The following MROH9 variants were observed in gnomAD, a reference collection of about 807,000 sequenced individuals.
MROH9 encodes maestro heat-like repeat-containing protein family member 9.
MROH9 carries 92 observed loss-of-function variants against 98.2 expected under a neutral mutation model. The observed-to-expected ratio is 0.94, with a 90% confidence interval of 0.79 to 1.11. The LOEUF is 1.11. Among genes scored for constraint, MROH9 ranks in the 50% most tolerant of loss-of-function variants. The pLI is 0.00. For synonymous variants in MROH9, 397 were observed against 368.9 expected (o/e 1.08, Z -0.87); for missense variants, 1,057 against 1,014.8 (o/e 1.04, Z -0.57).
At chr1:170,955,583 T>C (rs1308162987) in intron 3 of MROH9, among the ~76,000 whole-genome samples, 1 of 152,236 alleles carries the variant, frequency 6.6e-6, no homozygotes, top group Non-Finnish European at 1.5e-5. Context: ...ATGTTAAACA[T>C]TTTTTCATAT....
chr1:171,029,294 T>C (rs1652829242), intron 20 of MROH9, among the ~76,000 whole-genome samples: 1 of 151,956 alleles, frequency 6.6e-6, no homozygotes, highest in African/African-American at 2.4e-5. Context: ...CACTGCAACC[T>C]CCGCCTCCCA....
chr1:170,984,931 A>G (rs1291814319), intron 9 of MROH9, among the ~76,000 whole-genome samples: 1 of 152,210 alleles, frequency 6.6e-6, no homozygotes, highest in African/African-American at 2.4e-5. Flanking sequence ...CAAAGTTCAA[A>G]GCATGCAAAT....
chr1:171,056,744 C>T (rs1290068692), intron 20 of MROH9, among the ~76,000 whole-genome samples: 1 of 152,142 alleles, frequency 6.6e-6, no homozygotes, highest in East Asian at 1.9e-4. Context: ...GTGCCCCTGC[C>T]AGAAGATGGA....
At chr1:171,038,538 G>T (rs765149247) in intron 20 of MROH9, among the ~76,000 whole-genome samples, 1 of 152,174 alleles carries the variant, frequency 6.6e-6, no homozygotes, top group Non-Finnish European at 1.5e-5. Flanking sequence ...TGGGAGAAAT[G>T]ATGTGTGTAC....
At chr1:170,948,875 A>C (rs1649438211) in intron 3 of MROH9, among the ~76,000 whole-genome samples, 1 of 152,086 alleles carries the variant, frequency 6.6e-6, no homozygotes, top group Admixed American at 6.6e-5. Flanking sequence ...AGAAAAAGCA[A>C]CATACGTTTG....
intron 15 of MROH9, chr1:170,998,740 A>G (rs1353510537): frequency 2.0e-6 from 2 of 990,144 alleles, no homozygotes; most frequent in Non-Finnish European, 2.4e-6. Flanking sequence ...GTATTGTAAT[A>G]CTATAATGGA....
chr1:170,947,512 C>A lies in MROH9; in HGVS notation c.26-15C>A. 1 of 1,608,572 alleles carries A rather than the reference C, an allele frequency of 6.2e-7. No individual in the cohort carries two copies. The highest frequency in any genetic ancestry group is 1.1e-5 in the South Asian group (1 of 90,726). On this transcript the variant is annotated splice_polypyrimidine_tract_variant and intron_variant, in intron 2 of 21. Coordinates refer to ENST00000367759, the MANE Select transcript of MROH9 (RefSeq NM_001163629.2). ...TGTTCATTCCTTTTTAACGAATCTC[C>A]TTCTTTCTGGCTAGAGAGTAGTCTC...
chr1:170,996,789 C>T, intron 14 of MROH9, 145 bp downstream of exon 14: 2 of 828,336 alleles, frequency 2.4e-6, no homozygotes, highest in South Asian at 2.3e-5. Context: ...TTGATTTCTA[C>T]TTCTTCAATT....
At chr1:170,958,736 G>T (rs955306835) in intron 4 of MROH9, among the ~76,000 whole-genome samples, 196 bp downstream of exon 4, 1 of 152,178 alleles carries the variant, frequency 6.6e-6, no homozygotes, top group African/African-American at 2.4e-5. Flanking sequence ...CTTTCTAGCT[G>T]CTGAGGCAAG....
At position 171,004,835 on chromosome 1, in the gene MROH9, T is replaced by C. The variant is rs577108522; in HGVS notation, c.1596+6561T>C. The stretch of plus-strand genomic sequence containing the variant: ...CTCTGTTCTGTTCCATGGGTCAATA[T>C]GTCTGTTTTCAGGCCAGGACCATAC... On this transcript the variant is annotated intron_variant, in intron 15 of 21. Transcript: ENST00000367759. Among the ~76,000 whole-genome samples, 3 of 152,312 alleles carry C rather than the reference T, an allele frequency of 2.0e-5. No homozygotes were observed. In the South Asian group the frequency reaches 6.2e-4, roughly 32 times the overall value.
chr1:171,021,707 A>G, intron 17 of MROH9, among the ~76,000 whole-genome samples: 1 of 152,176 alleles, frequency 6.6e-6, no homozygotes, highest in East Asian at 1.9e-4. Flanking sequence ...AGACTTCATT[A>G]CAAAAACACC....
chr1:170,951,663 GATTA>G (rs1258583831), intron 3 of MROH9, among the ~76,000 whole-genome samples: 1 of 152,130 alleles, frequency 6.6e-6, no homozygotes, highest in East Asian at 1.9e-4. Context: ...CCTAGCTGAA[GATTA>G]TCAAGGTGCG....
rs1431094990 is a variant in MROH9 at position 170,948,189 on chromosome 1, C to A, written c.72+616C>A. 2.6e-5 allele frequency among the ~76,000 whole-genome samples: 4 copies of A among 151,944 alleles called. No homozygotes were observed. In the East Asian group the frequency reaches 5.8e-4, roughly 22 times the overall value. On this transcript the variant is annotated intron_variant, in intron 3 of 21. Transcript: ENST00000367759. ...TTTAAAATTCTGAACCTCTAATAGA[C>A]CCTACCATCATTTTAATCCACATCC... is the stretch of plus-strand genomic sequence containing the variant.
At chr1:171,049,233 AG>A (rs1357616939) in intron 20 of MROH9, among the ~76,000 whole-genome samples, 1 of 152,196 alleles carries the variant, frequency 6.6e-6, no homozygotes, top group East Asian at 1.9e-4. Context: ...GAGCATGCAT[AG>A]TACCTGGTTT....
At chr1:171,029,907 T>G (rs1244431980) in intron 20 of MROH9, among the ~76,000 whole-genome samples, 1 of 152,114 alleles carries the variant, frequency 6.6e-6, no homozygotes, top group Non-Finnish European at 1.5e-5. Flanking sequence ...AGAATTCAAC[T>G]GTGAGTCCAT....
chr1:171,040,992 T>C (rs934411534), intron 20 of MROH9, among the ~76,000 whole-genome samples: 5 of 152,026 alleles, frequency 3.3e-5, no homozygotes, highest in Admixed American at 2.0e-4. Flanking sequence ...AAATTTTTTA[T>C]TTAATAGATT....
chr1:171,019,340 C>T (rs1162183887), intron 17 of MROH9, among the ~76,000 whole-genome samples: 1 of 152,112 alleles, frequency 6.6e-6, no homozygotes, highest in Non-Finnish European at 1.5e-5. Context: ...ATTTATGGCA[C>T]TAAATGCCCA....
intron 13 of MROH9, 68 bp downstream of exon 13, chr1:170,995,599 C>G: frequency 6.5e-7 from 1 of 1,549,664 alleles, no homozygotes; most frequent in Middle Eastern, 1.7e-4. Flanking sequence ...CTTCTACCCT[C>G]TTGGGTTCAT....
intron 2 of MROH9, among the ~76,000 whole-genome samples, chr1:170,946,646 T>C (rs1649340182): frequency 6.6e-6 from 1 of 151,956 alleles, no homozygotes; most frequent in African/African-American, 2.4e-5. Context: ...AACTTTCCTA[T>C]AGGTCTGAAA....
Sources: allele counts gnomAD v4.1 joint callset (sites outside exome capture counted in the v4.1 genomes callset), GRCh38; gene constraint gnomAD v4.1.1; transcripts MANE v1.5; gene names NCBI Gene and HGNC (gene_info 2026-07-23, HGNC 2026-07-21).